CACNB4: variants seen among roughly 807,000 people sequenced by gnomAD.
CACNB4 encodes voltage-dependent L-type calcium channel subunit beta-4.
A neutral mutation model predicts 71.2 loss-of-function variants in CACNB4; 32 were observed. That is an observed-to-expected ratio of 0.45 (90% CI 0.34 to 0.60). The LOEUF (loss-of-function observed/expected upper bound fraction) is 0.60, where lower values mean the gene tolerates loss of function less well. CACNB4 is among the 20% of genes least tolerant of loss of function. CACNB4 has a pLI of 0.01. For missense variants in CACNB4, 464 were observed against 647.9 expected, an observed-to-expected ratio of 0.72 and a Z score of 3.08; for synonymous variants, 231 against 236.9, an observed-to-expected ratio of 0.97 and a Z score of 0.23.
intron 2 of CACNB4, among the ~76,000 whole-genome samples, chr2:151,995,049 T>G (rs762550447): frequency 6.6e-6 from 1 of 152,190 alleles, no homozygotes; most frequent in African/African-American, 2.4e-5. Context: ...TGCAGAAACT[T>G]TGGTTTTTAC....
At chr2:151,880,766 G>A in intron 4 of CACNB4, 34 bp downstream of exon 4, 1 of 1,596,046 alleles carries the variant, frequency 6.3e-7, no homozygotes, top group South Asian at 1.1e-5. Context: ...CAGCTTTTTG[G>A]CAGGTGAAGG....
chr2:151,938,603 A>C (rs1429677124), intron 2 of CACNB4, among the ~76,000 whole-genome samples: 1 of 152,234 alleles, frequency 6.6e-6, no homozygotes, highest in Non-Finnish European at 1.5e-5. Context: ...CTTTCGTGTC[A>C]TTTCAAAGTT....
chr2:152,028,880 A>C (rs1579160298), intron 2 of CACNB4, among the ~76,000 whole-genome samples: 1 of 152,374 alleles, frequency 6.6e-6, no homozygotes, highest in Non-Finnish European at 1.5e-5. Context: ...ATGGAAAACT[A>C]AAGAAAGTAT....
Position 151,838,992 on chromosome 2 carries a change from C to G in CACNB4, c.*127G>C. On this transcript the variant is annotated 3_prime_UTR_variant, in exon 14 of 14. Coordinates refer to ENST00000539935, the MANE Select transcript of CACNB4 (RefSeq NM_000726.5). ...ATTTTTTTTTTTGCCCCTTACTTAG[C>G]ATAAAATGACAGCAGCCCATTAGCA... 1.3e-6 allele frequency: 1 copy of G among 775,312 alleles called. No homozygotes were observed. The highest frequency in any genetic ancestry group is 2.0e-6 in the Non-Finnish European group (1 of 500,208). 48.0% of individuals were successfully genotyped at this position (775,312 alleles called of 1,614,324 possible).
chr2:152,062,359 T>A lies in CACNB4; in HGVS notation c.147+35971A>T, dbSNP rs530093711. The stretch of plus-strand genomic sequence containing the variant: ...CCACTGAGTTGACACCGCCATTGAG[T>A]TGAGACCAACACTTCACTGACCACT... On this transcript the variant is annotated intron_variant, in intron 2 of 13. Coordinates refer to ENST00000539935, the MANE Select transcript of CACNB4 (RefSeq NM_000726.5). Among the ~76,000 whole-genome samples, 62 of 152,252 alleles carry A rather than the reference T, an allele frequency of 4.1e-4. 1 individual carries two copies. The South Asian group carries it at 0.012, about 30-fold the overall frequency.
intron 2 of CACNB4, among the ~76,000 whole-genome samples, chr2:151,948,234 T>C (rs999449591): frequency 6.6e-6 from 1 of 152,178 alleles, no homozygotes; most frequent in Non-Finnish European, 1.5e-5. Context: ...TTAGCTGCAA[T>C]CAAAAGGCAG....
At chr2:152,044,897 A>T (rs1281013728) in intron 2 of CACNB4, among the ~76,000 whole-genome samples, 1 of 152,172 alleles carries the variant, frequency 6.6e-6, no homozygotes. Flanking sequence ...GCACCCAAAA[A>T]GTTAACAATA....
Position 151,839,187 on chromosome 2 carries a change from T to G in CACNB4, c.1495A>C (p.Thr499Pro), listed in dbSNP as rs1158531407. The part of the protein sequence containing the change: ...EEDYPDSYQD[T>P]YKPHRNRGSP... Reference sequence around the variant, plus strand: ...CCTCGGTTCCTATGGGGTTTGTAAGTGTCCTGGTATGAGTCAGGGTAATCT... The same window carrying G: ...CCTCGGTTCCTATGGGGTTTGTAAGGGTCCTGGTATGAGTCAGGGTAATCT... The change falls in exon 14 of 14, where the codon ACT (threonine) becomes CCT (proline). Residue 499 changes from threonine to proline, a missense_variant. Coordinates refer to ENST00000539935, the MANE Select transcript of CACNB4 (RefSeq NM_000726.5). The G allele has an allele frequency of 6.2e-7, 1 of 1,613,552 alleles. No individual in the cohort carries two copies. The highest frequency in any genetic ancestry group is 1.7e-5 in the Admixed American group (1 of 60,010).
Position 151,860,808 on chromosome 2 carries a change from C to T in CACNB4, c.771G>A (p.Thr257=), listed in dbSNP as rs2293219. ...CAAGAGAAATGTCAGCTGTCACTCTCGTTATTGAAATCCTATGAATAGGAA... is the reference window on the plus strand; with the variant it reads ...CAAGAGAAATGTCAGCTGTCACTCTTGTTATTGAAATCCTATGAATAGGAA... ...KHRFDGRISI[T]RVTADISLAK... Residue 257 remains threonine (T), a synonymous_variant, in exon 10 of 14, where the codon ACG becomes ACA. Coordinates refer to ENST00000539935, the MANE Select transcript of CACNB4 (RefSeq NM_000726.5). 5.4e-5 allele frequency: 87 copies of T among 1,609,588 alleles called. No individual in the cohort carries two copies. The highest frequency in any genetic ancestry group is 4.5e-4 in the East Asian group (20 of 44,868).
In CACNB4 at chr2:151,836,086, T is replaced by C. The variant is rs1205682759; in HGVS notation, c.*3033A>G. The C allele has an allele frequency of 5.9e-5, 9 of 152,024 alleles. No homozygotes were observed. The East Asian group carries it at 1.7e-3, about 29-fold the overall frequency. The allele number at this position is 152,024 out of a possible 1,614,324, so 9.4% of individuals were successfully genotyped here. A position where few individuals can be genotyped will look rare whatever the true frequency, so the allele number is the denominator to read the frequency against. Reference sequence around the variant, plus strand: ...TAAATATTAAACAAGATAATGTTGTTGGTTATAATATTAGAGTGACATTAT... The same window carrying C: ...TAAATATTAAACAAGATAATGTTGTCGGTTATAATATTAGAGTGACATTAT... On this transcript the variant is annotated 3_prime_UTR_variant, in exon 14 of 14. Coordinates refer to ENST00000539935, the MANE Select transcript of CACNB4 (RefSeq NM_000726.5).
At chr2:151,898,246 C>A (rs1399167213) in intron 2 of CACNB4, among the ~76,000 whole-genome samples, 5 of 152,218 alleles carry the variant, frequency 3.3e-5, no homozygotes, top group Admixed American at 3.3e-4. Flanking sequence ...ACACTCCTGA[C>A]CTGCTGTCTC....
intron 2 of CACNB4, among the ~76,000 whole-genome samples, chr2:152,067,196 G>A (rs1355423930): frequency 6.6e-6 from 1 of 152,100 alleles, no homozygotes; most frequent in Non-Finnish European, 1.5e-5. Context: ...GTAAATGCCT[G>A]TGGGCCACTC....
intron 2 of CACNB4, among the ~76,000 whole-genome samples, chr2:151,897,727 C>T (rs2099852438): frequency 6.6e-6 from 1 of 152,174 alleles, no homozygotes; most frequent in South Asian, 2.1e-4. Context: ...TCTAGGGCTG[C>T]TCCTTACTAG....
intron 2 of CACNB4, chr2:151,883,633 C>G (rs1338677962): frequency 2.2e-6 from 1 of 462,184 alleles, no homozygotes; most frequent in Non-Finnish European, 4.0e-6. Context: ...TGATACTCAG[C>G]ACCAATTCTT....
At chr2:152,028,428 A>G (rs1260608238) in intron 2 of CACNB4, among the ~76,000 whole-genome samples, 2 of 152,226 alleles carry the variant, frequency 1.3e-5, no homozygotes. Flanking sequence ...CGTGTGTAAC[A>G]GCACAAGCCT....
chr2:152,096,259 A>G (rs941147136), intron 2 of CACNB4, among the ~76,000 whole-genome samples: 7 of 152,098 alleles, frequency 4.6e-5, no homozygotes, highest in Admixed American at 1.3e-4. Flanking sequence ...TGAGGTGGGC[A>G]GATCACGAGG....
intron 2 of CACNB4, among the ~76,000 whole-genome samples, chr2:151,981,614 A>G (rs1020672760): frequency 6.6e-6 from 1 of 152,144 alleles, no homozygotes; most frequent in African/African-American, 2.4e-5. Flanking sequence ...ATATTTTTGG[A>G]GAAACACTTA....
chr2:152,047,430 T>C (rs535859890), intron 2 of CACNB4, among the ~76,000 whole-genome samples: 3 of 152,318 alleles, frequency 2.0e-5, no homozygotes, highest in Non-Finnish European at 4.4e-5. Context: ...CTTACTTCCT[T>C]AACCAATTGC....
intron 2 of CACNB4, among the ~76,000 whole-genome samples, chr2:151,951,535 A>G (rs183242252): frequency 6.6e-6 from 1 of 152,324 alleles, no homozygotes; most frequent in East Asian, 1.9e-4. Flanking sequence ...CCTTTGAGTG[A>G]TGGAACCTGA....
Sources: allele counts gnomAD v4.1 joint callset (sites outside exome capture counted in the v4.1 genomes callset), GRCh38; gene constraint gnomAD v4.1.1; transcripts MANE v1.5; gene names NCBI Gene and HGNC (gene_info 2026-07-23, HGNC 2026-07-21).